The following TEX11 variants were observed in gnomAD, a reference collection of about 807,000 sequenced individuals.
TEX11 encodes testis expressed 11.
In TEX11, 7 loss-of-function variants were observed where a neutral mutation model predicts 84.4. That is an observed-to-expected ratio of 0.08 (90% confidence interval 0.05 to 0.16). TEX11 has a LOEUF of 0.16. Among genes scored for constraint, TEX11 ranks in the 10% least tolerant of loss-of-function variants. The pLI, the probability that TEX11 is intolerant of heterozygous loss-of-function variation, is 1.00. For synonymous variants in TEX11, 264 were observed against 222.8 expected (o/e 1.18, Z -1.64); for missense variants, 551 against 660.5 (o/e 0.83, Z 1.82).
At chrX:70,624,105 G>C (rs2089425308) in intron 19 of TEX11, 99 bp from the exon 20 acceptor site, 1 of 550,096 alleles carries the variant, frequency 1.8e-6, no homozygotes. Flanking sequence ...CTCTGGGAGG[G>C]AGAAGTGAGA....
chrX:70,643,448 A>G (rs1455241195), intron 17 of TEX11, among the ~76,000 whole-genome samples: 6 of 87,935 alleles, frequency 6.8e-5, no homozygotes, highest in Non-Finnish European at 1.3e-4. Flanking sequence ...ACCAAAAAAG[A>G]GCCCGCATCG....
At chrX:70,802,796 A>G (rs1213728041) in intron 9 of TEX11, among the ~76,000 whole-genome samples, 1 of 112,081 alleles carries the variant, frequency 8.9e-6, no homozygotes, top group East Asian at 2.8e-4. Context: ...AATAAATGTA[A>G]CCCTAAAGCC....
chrX:70,788,969 T>TAGAGAGAGAG (rs1368311539), intron 9 of TEX11, among the ~76,000 whole-genome samples: 1 of 24,945 alleles, frequency 4.0e-5, no homozygotes, highest in Non-Finnish European at 6.7e-5. Context: ...TATATATATA[T>TAGAGAGAGAG]ATATAGAGAG....
chrX:70,755,024 G>C (rs1405203318), intron 9 of TEX11, among the ~76,000 whole-genome samples: 1 of 111,950 alleles, frequency 8.9e-6, no homozygotes, highest in Non-Finnish European at 1.9e-5. Flanking sequence ...AACAAGCCAA[G>C]ACTGTGAAGT....
chrX:70,575,336 C>T (rs940888213), intron 25 of TEX11, among the ~76,000 whole-genome samples: 3 of 111,719 alleles, frequency 2.7e-5, no homozygotes, highest in Non-Finnish European at 5.6e-5. Context: ...AATGTGTCCC[C>T]TCCAAAATTC....
chrX:70,530,437 A>G (rs1390635657), intron 28 of TEX11, among the ~76,000 whole-genome samples: 1 of 112,173 alleles, frequency 8.9e-6, no homozygotes, highest in African/African-American at 3.2e-5. Context: ...AGTAGAAATT[A>G]TATTCATCTT....
chrX:70,575,104 G>A (rs1339183862), intron 25 of TEX11, among the ~76,000 whole-genome samples: 1 of 111,250 alleles, frequency 9.0e-6, no homozygotes, highest in Admixed American at 9.6e-5. Context: ...GAAGTGCAAG[G>A]AGACTGACAT....
chrX:70,765,480 C>T (rs1364857690), intron 9 of TEX11, among the ~76,000 whole-genome samples: 1 of 111,845 alleles, frequency 8.9e-6, no homozygotes, highest in Non-Finnish European at 1.9e-5. Context: ...CATCGTTCAA[C>T]ATATACAAAT....
Position 70,740,794 on chromosome X carries a change from A to G in TEX11, c.750T>C (p.Ala250=). Residue 250 remains alanine (A), a splice_region_variant and synonymous_variant, in exon 11 of 30, where the codon GCT becomes GCC. Coordinates refer to ENST00000374333, the MANE Select transcript of TEX11 (RefSeq NM_031276.3). ...DKKSTGPEML[A]KVLRLLATNY... The stretch of plus-strand genomic sequence containing the variant: ...TCGTGGCTAATAGCCGTAGAACTTT[A>G]GCCTGTAAGAAAAAAAAAAAGAAAA... 1.7e-6 allele frequency: 2 copies of G among 1,146,567 alleles called. No homozygotes were observed. Among genetic ancestry groups the G allele is most frequent in the South Asian group, 2.1e-5 (1 of 47,034 alleles). The allele number at this position is 1,146,567 out of a possible 1,213,427, so 94.5% of individuals were successfully genotyped here.
At chrX:70,731,324 A>G (rs1414601528) in intron 11 of TEX11, among the ~76,000 whole-genome samples, 4 of 111,757 alleles carry the variant, frequency 3.6e-5, no homozygotes, top group African/African-American at 1.3e-4. Context: ...TGAAGGAAAT[A>G]GAGACACAAA....
rs2090252348 is a variant in TEX11 at position 70,693,267 on chromosome X, CAT to C, written c.1005-10444_1005-10443del. ...AAAAAAAAAAATTCCAACTTTTCTA[CAT>C]CCTTGCCAACACTTGTTATCTTTTC... On this transcript the variant is annotated intron_variant, in intron 13 of 29. Coordinates refer to ENST00000374333, the MANE Select transcript of TEX11 (RefSeq NM_031276.3). Among the ~76,000 whole-genome samples, 4 of 111,072 alleles carry C rather than the reference CAT, an allele frequency of 3.6e-5. No homozygotes were observed. In the South Asian group the frequency reaches 1.5e-3, roughly 42 times the overall value.
intron 9 of TEX11, among the ~76,000 whole-genome samples, chrX:70,774,215 G>A (rs2090988167): frequency 9.7e-6 from 1 of 102,738 alleles, no homozygotes; most frequent in Non-Finnish European, 2.0e-5. Context: ...AAACTACAAA[G>A]AATAAATGTA....
At chrX:70,851,784 A>T (rs1256746722) in intron 7 of TEX11, among the ~76,000 whole-genome samples, 1 of 111,758 alleles carries the variant, frequency 8.9e-6, no homozygotes, top group Non-Finnish European at 1.9e-5. Context: ...AGATGAATGG[A>T]TAAACAAAAC....
At chrX:70,542,208 G>A (rs1229085743) in intron 28 of TEX11, among the ~76,000 whole-genome samples, 1 of 110,613 alleles carries the variant, frequency 9.0e-6, no homozygotes, top group African/African-American at 3.3e-5. Flanking sequence ...TCATGAATAG[G>A]ATTAGTGCCC....
intron 9 of TEX11, among the ~76,000 whole-genome samples, chrX:70,764,334 A>G (rs1224217785): frequency 8.9e-6 from 1 of 111,884 alleles, no homozygotes; most frequent in Non-Finnish European, 1.9e-5. Context: ...AAGAAATGCT[A>G]AGAGGGAAGT....
intron 12 of TEX11, 143 bp from the exon 13 acceptor site, chrX:70,722,839 C>A: frequency 2.1e-6 from 1 of 473,263 alleles, no homozygotes; most frequent in Non-Finnish European, 3.6e-6. Flanking sequence ...TCAAAATCTT[C>A]TTTTAAAGTA....
intron 2 of TEX11, among the ~76,000 whole-genome samples, chrX:70,901,992 G>A (rs186246329): frequency 1.1e-3 from 127 of 113,117 alleles, no homozygotes; most frequent in Non-Finnish European, 1.6e-3. Flanking sequence ...GCTCACAGCT[G>A]TAATCCTAGC....
At chrX:70,608,324 A>G (rs1470436594) in intron 22 of TEX11, among the ~76,000 whole-genome samples, 1 of 112,528 alleles carries the variant, frequency 8.9e-6, no homozygotes, top group African/African-American at 3.2e-5. Flanking sequence ...AAAATTATAA[A>G]TAAAATGAAC....
intron 11 of TEX11, 84 bp from the exon 12 acceptor site, chrX:70,725,427 C>T: frequency 5.0e-6 from 3 of 603,920 alleles, no homozygotes; most frequent in South Asian, 7.5e-5. Context: ...CTTTATTCAA[C>T]CACCTTGGGA....
Sources: allele counts gnomAD v4.1 joint callset (sites outside exome capture counted in the v4.1 genomes callset), GRCh38; gene constraint gnomAD v4.1.1; transcripts MANE v1.5; gene names NCBI Gene and HGNC (gene_info 2026-07-23, HGNC 2026-07-21).